The following TRIM16 variants were observed in gnomAD, a reference collection of about 807,000 sequenced individuals.
TRIM16 encodes tripartite motif containing 16.
A neutral mutation model predicts 50.4 loss-of-function variants in TRIM16; 33 were observed. The observed-to-expected ratio is 0.65, with a 90% CI of 0.50 to 0.88. The LOEUF (loss-of-function observed/expected upper bound fraction) is 0.88. TRIM16 is among the 40% of genes least tolerant of loss of function. TRIM16 has a pLI of 0.00. For missense variants in TRIM16, 581 were observed against 686.8 expected (o/e 0.85, Z 1.72); for synonymous variants, 229 against 270.7 (o/e 0.85, Z 1.51).
chr17:15,670,242 C>A (rs545190267), intron 6 of TRIM16, among the ~76,000 whole-genome samples: 13 of 152,314 alleles, frequency 8.5e-5, no homozygotes, highest in Admixed American at 8.5e-4. Flanking sequence ...AGGGCAGAAG[C>A]AACAAGGATG....
At position 15,638,259 on chromosome 17, in the gene TRIM16, A is replaced by T. The variant is rs200809059; in HGVS notation, c.616-1990T>A. Among the ~76,000 whole-genome samples, 53 of 100,134 alleles carry T rather than the reference A, an allele frequency of 5.3e-4. 1 individual carries two copies. Among genetic ancestry groups the T allele is most frequent in the Admixed American group, 1.0e-3 (12 of 11,494 alleles). 65.7% of individuals were successfully genotyped at this position (100,134 alleles called of 152,430 possible). ...GAATTATCAATAAAAAAATAAATTT[A>T]AAAAAAAAAAAAAAAAAGAATTGGT... On this transcript the variant is annotated intron_variant, in intron 8 of 11. Transcript: ENST00000649191.
chr17:15,639,972 A>T lies in TRIM16; in HGVS notation c.615+2749T>A, dbSNP rs1207399499. Among the ~76,000 whole-genome samples, 3 of 149,156 alleles carry T rather than the reference A, an allele frequency of 2.0e-5. 1 individual carries two copies. The highest frequency in any genetic ancestry group is 7.5e-5 in the African/African-American group (3 of 40,264). Reference sequence around the variant, plus strand: ...ATAACAATAATCATAAAAACAACCAACATGTAGTAAGTTCTTACTATGTGC... The same window carrying T: ...ATAACAATAATCATAAAAACAACCATCATGTAGTAAGTTCTTACTATGTGC... On this transcript the variant is annotated intron_variant, in intron 8 of 11. Transcript: ENST00000649191.
rs1274092171 is a variant in TRIM16, at chr17:15,638,009, C to A, written c.616-1740G>T. On this transcript the variant is annotated intron_variant, in intron 8 of 11. Transcript: ENST00000649191. ...CACTCAGAGTTAAATGGATTAAGGG[C>A]GGTGCAAGATGTGCTTTGTTAAACA... Among the ~76,000 whole-genome samples, 8 of 139,282 alleles carry A rather than the reference C, an allele frequency of 5.7e-5. No homozygotes were observed. The East Asian group carries it at 1.7e-3, about 30-fold the overall frequency. The allele number at this position is 139,282 out of a possible 152,430, so 91.4% of individuals were successfully genotyped here.
chr17:15,683,167 G>A lies in TRIM16; in HGVS notation c.-898-10C>T. The stretch of plus-strand genomic sequence containing the variant: ...AGCATTCTACCAGAAACTGTGGTAA[G>A]AGGTTCTGGATTGAAGTTTTCCCCT... On this transcript the variant is annotated splice_polypyrimidine_tract_variant and intron_variant, in intron 1 of 11. Coordinates refer to ENST00000649191, the MANE Select transcript of TRIM16 (RefSeq NM_001348119.1). The A allele has an allele frequency of 6.5e-7, 1 of 1,529,178 alleles. No homozygotes were observed. Among genetic ancestry groups the A allele is most frequent in the Non-Finnish European group, 8.9e-7 (1 of 1,129,090 alleles). 94.7% of individuals were successfully genotyped at this position (1,529,178 alleles called of 1,614,324 possible). A position where few individuals can be genotyped will look rare whatever the true frequency, so the allele number is the denominator to read the frequency against.
intron 6 of TRIM16, among the ~76,000 whole-genome samples, chr17:15,662,286 G>A (rs1444745118): frequency 1.3e-5 from 2 of 152,174 alleles, no homozygotes; most frequent in Non-Finnish European, 2.9e-5. Flanking sequence ...GAATTTAAAT[G>A]CACACTTGTG....
At chr17:15,671,176 A>T (rs1180719257) in intron 6 of TRIM16, among the ~76,000 whole-genome samples, 1 of 152,240 alleles carries the variant, frequency 6.6e-6, no homozygotes, top group East Asian at 1.9e-4. Flanking sequence ...GATTCACTGA[A>T]GTCGTGCTCT....
At chr17:15,640,338 G>C (rs564395218) in intron 8 of TRIM16, among the ~76,000 whole-genome samples, 3 of 148,756 alleles carry the variant, frequency 2.0e-5, no homozygotes, top group African/African-American at 7.5e-5. Context: ...GGCTGTGTGG[G>C]GGTTGCAGGG....
intron 6 of TRIM16, among the ~76,000 whole-genome samples, chr17:15,655,573 C>A (rs4792643): frequency 0.39 from 58,386 of 151,252 alleles, 13,096 homozygotes; most frequent in African/African-American, 0.63. Context: ...ATCATTTGAT[C>A]TCTCTCTTTT....
At chr17:15,667,822 T>C (rs1597661567) in intron 6 of TRIM16, among the ~76,000 whole-genome samples, 1 of 152,312 alleles carries the variant, frequency 6.6e-6, no homozygotes, top group South Asian at 2.1e-4. Context: ...CTATGATAGT[T>C]TGTCACAATT....
rs1224536557 is a variant in TRIM16, at chr17:15,628,817, T to G, written c.1493A>C (p.Tyr498Ser). The G allele has an allele frequency of 1.2e-6, 2 of 1,614,208 alleles. No homozygotes were observed. Among genetic ancestry groups the G allele is most frequent in the African/African-American group, 1.3e-5 (1 of 75,060 alleles). The change falls in exon 12 of 12, where the codon TAT becomes TCT. Residue 498 changes from tyrosine (Y) to serine (S), a missense_variant. Tyr to Ser is a moderately radical substitution (Grantham distance 144). Around this residue, in one of 3 missense-constraint regions of TRIM16, gnomAD observed 115 missense variants for 106.7 expected, o/e 1.08. Coordinates refer to ENST00000649191, the MANE Select transcript of TRIM16 (RefSeq NM_001348119.1). The stretch of plus-strand genomic sequence containing the variant: ...AAGGATCCCTCCCGGGAAGTCGATA[T>G]AGACCCCGAGCCTCCGGAAAGGGCC... The part of the protein sequence containing the change: ...KAGPFRRLGV[Y>S]IDFPGGILSF...
intron 9 of TRIM16, among the ~76,000 whole-genome samples, chr17:15,634,374 A>G (rs1021578367): frequency 1.4e-5 from 2 of 147,470 alleles, no homozygotes; most frequent in African/African-American, 5.0e-5. Context: ...TCACTCCTGT[A>G]ATCGCAACAC....
intron 6 of TRIM16, among the ~76,000 whole-genome samples, chr17:15,660,695 G>A (rs996826390): frequency 7.2e-5 from 11 of 152,026 alleles, no homozygotes; most frequent in African/African-American, 1.2e-4. Flanking sequence ...TCAGGAGATT[G>A]AGAACAACCT....
At chr17:15,665,210 T>C (rs1988431552) in intron 6 of TRIM16, among the ~76,000 whole-genome samples, 1 of 151,738 alleles carries the variant, frequency 6.6e-6, no homozygotes, top group African/African-American at 2.4e-5. Context: ...TCACATTAAG[T>C]AGTTTTAAAG....
chr17:15,643,664 A>G (rs1028899036), intron 7 of TRIM16, among the ~76,000 whole-genome samples: 6 of 151,610 alleles, frequency 4.0e-5, no homozygotes, highest in Admixed American at 1.3e-4. Flanking sequence ...CTCAGGATGA[A>G]TATCTTCAAA....
chr17:15,669,081 T>C (rs1988620038), intron 6 of TRIM16, among the ~76,000 whole-genome samples: 1 of 151,768 alleles, frequency 6.6e-6, no homozygotes, highest in Non-Finnish European at 1.5e-5. Flanking sequence ...TATAATAAAA[T>C]ATATATTAAA....
At position 15,651,820 on chromosome 17, in the gene TRIM16, C is replaced by G; in HGVS notation, c.-211G>C. 6.9e-7 allele frequency: 1 copy of G among 1,444,934 alleles called. No homozygotes were observed. Among genetic ancestry groups the G allele is most frequent in the Non-Finnish European group, 9.1e-7 (1 of 1,104,466 alleles). 89.5% of individuals were successfully genotyped at this position (1,444,934 alleles called of 1,614,324 possible). A position where few individuals can be genotyped will look rare whatever the true frequency, so the allele number is the denominator to read the frequency against. ...CGATGACGACAAGGCAGCTAGAGTACTCAGGCTCAGGACAGCCGGCTCAGG... is the reference window on the plus strand; with the variant it reads ...CGATGACGACAAGGCAGCTAGAGTAGTCAGGCTCAGGACAGCCGGCTCAGG... On this transcript the variant is annotated 5_prime_UTR_variant, in exon 7 of 12. Coordinates refer to ENST00000649191, the MANE Select transcript of TRIM16 (RefSeq NM_001348119.1).
rs1241173496 is a variant in TRIM16 at position 15,628,800 on chromosome 17, C to T, written c.1510G>A (p.Gly504Arg). The change falls in exon 12 of 12, where the codon GGG becomes AGG. Residue 504 changes from glycine (G) to arginine (R), a missense_variant. By Grantham distance (125) the Gly-to-Arg change is moderately radical (BLOSUM62 -2). Transcript: ENST00000649191. The stretch of plus-strand genomic sequence containing the variant: ...TCTACGCCATAGAAGGAAAGGATCC[C>T]TCCCGGGAAGTCGATATAGACCCCG... ...RLGVYIDFPGGILSFYGVEYD... is the reference protein window; with the variant it reads ...RLGVYIDFPGRILSFYGVEYD... 2 of 1,614,216 alleles carry T rather than the reference C, an allele frequency of 1.2e-6. No homozygotes were observed. Among genetic ancestry groups the T allele is most frequent in the Non-Finnish European group, 8.5e-7 (1 of 1,180,044 alleles).
rs1986941005 is a variant in TRIM16, at chr17:15,638,257, T to TAAA, written c.616-1989_616-1988insTTT. On this transcript the variant is annotated intron_variant, in intron 8 of 11. Transcript: ENST00000649191. ...AAGAATTATCAATAAAAAAATAAAT[T>TAAA]TAAAAAAAAAAAAAAAAAAGAATTG... 1.3e-4 allele frequency among the ~76,000 whole-genome samples: 15 copies of TAAA among 117,634 alleles called. 1 individual carries two copies. Among genetic ancestry groups the TAAA allele is most frequent in the African/African-American group, 7.1e-4 (15 of 21,030 alleles). The allele number at this position is 117,634 out of a possible 152,430, so 77.2% of individuals were successfully genotyped here. A position where few individuals can be genotyped will look rare whatever the true frequency, so the allele number is the denominator to read the frequency against.
chr17:15,635,173 G>C (rs1195776045), intron 9 of TRIM16, among the ~76,000 whole-genome samples: 2 of 145,868 alleles, frequency 1.4e-5, no homozygotes, highest in African/African-American at 5.1e-5. Flanking sequence ...AGAAAAAATT[G>C]TATTTCAGAA....
Sources: gnomAD v4.1 joint callset for allele counts (sites outside exome capture counted in the v4.1 genomes callset) on GRCh38, gnomAD v4.1.1 for gene constraint, gnomAD v4.1.1 regional missense constraint, MANE v1.5 for transcripts, NCBI Gene and HGNC (gene_info 2026-07-23, HGNC 2026-07-21) for gene names.